Variants in TAX1BP1 observed in about 807,000 individuals in gnomAD.
The protein encoded by TAX1BP1 is tax1-binding protein 1.
In TAX1BP1, 62 loss-of-function variants were observed where a neutral mutation model predicts 97.7. That is an observed-to-expected ratio of 0.63 (90% confidence interval 0.52 to 0.78). The LOEUF (loss-of-function observed/expected upper bound fraction) is 0.78. Ranked by LOEUF, TAX1BP1 falls within the 30% of genes least tolerant of loss-of-function variation. The pLI, the probability that TAX1BP1 is intolerant of heterozygous loss-of-function variation, is 0.00. For synonymous variants in TAX1BP1, 340 were observed against 304.2 expected (o/e 1.12, Z -1.23); for missense variants, 867 against 916.1 (o/e 0.95, Z 0.69).
intron 5 of TAX1BP1, among the ~76,000 whole-genome samples, chr7:27,773,542 A>G (rs1788922893): frequency 6.6e-6 from 1 of 152,072 alleles, no homozygotes. Flanking sequence ...CATGAATGGA[A>G]TCATATAATA....
At chr7:27,774,247 GTGT>G (rs1044703179) in intron 5 of TAX1BP1, among the ~76,000 whole-genome samples, 2 of 152,012 alleles carry the variant, frequency 1.3e-5, no homozygotes, top group African/African-American at 2.4e-5. Flanking sequence ...AAGATATTTT[GTGT>G]TGTTGTAGAG....
chr7:27,743,609 A>C (rs1787700725), intron 1 of TAX1BP1, among the ~76,000 whole-genome samples: 1 of 152,132 alleles, frequency 6.6e-6, no homozygotes, highest in African/African-American at 2.4e-5. Flanking sequence ...TATTACAGAA[A>C]TTTTCAAACA....
At chr7:27,823,414 A>G (rs186026350) in intron 15 of TAX1BP1, among the ~76,000 whole-genome samples, 138 of 152,298 alleles carry the variant, frequency 9.1e-4, no homozygotes, top group African/African-American at 3.2e-3. Flanking sequence ...AAGTGGTGAA[A>G]CTTTTCTTCC....
chr7:27,786,241 C>T (rs1187522264), intron 7 of TAX1BP1, among the ~76,000 whole-genome samples: 1 of 151,498 alleles, frequency 6.6e-6, no homozygotes, highest in Admixed American at 6.6e-5. Context: ...ACGCCATTCT[C>T]CTGCCTCAGC....
chr7:27,741,118 A>G (rs1787579845), intron 1 of TAX1BP1, among the ~76,000 whole-genome samples: 2 of 152,260 alleles, frequency 1.3e-5, no homozygotes, highest in East Asian at 1.9e-4. Context: ...CCGGTTTCAC[A>G]CAGTGGTTAT....
intron 5 of TAX1BP1, among the ~76,000 whole-genome samples, chr7:27,784,849 G>A (rs186408025): frequency 6.6e-6 from 1 of 151,898 alleles, no homozygotes; most frequent in African/African-American, 2.4e-5. Flanking sequence ...CAGGCGTGGT[G>A]GTGGGTGCCT....
At chr7:27,762,003 C>T (rs538043051) in intron 3 of TAX1BP1, among the ~76,000 whole-genome samples, 160 of 152,220 alleles carry the variant, frequency 1.1e-3, no homozygotes, top group African/African-American at 3.7e-3. Flanking sequence ...GGTGTCATTG[C>T]TTTGGATTTT....
chr7:27,765,338 A>G (rs1419463496), intron 3 of TAX1BP1, among the ~76,000 whole-genome samples: 1 of 151,946 alleles, frequency 6.6e-6, no homozygotes, highest in Non-Finnish European at 1.5e-5. Flanking sequence ...TATTTTTACC[A>G]TACTGCACTA....
chr7:27,784,473 CAAG>C (rs1158019459), intron 5 of TAX1BP1, among the ~76,000 whole-genome samples: 2 of 152,068 alleles, frequency 1.3e-5, no homozygotes, highest in Non-Finnish European at 2.9e-5. Context: ...GTCACACTGG[CAAG>C]AAGATTAGGA....
chr7:27,791,163 G>A (rs1583710997), intron 8 of TAX1BP1, among the ~76,000 whole-genome samples: 1 of 151,862 alleles, frequency 6.6e-6, no homozygotes, highest in African/African-American at 2.4e-5. Flanking sequence ...TGATGCCTCC[G>A]AAGATTTTGT....
intron 3 of TAX1BP1, among the ~76,000 whole-genome samples, chr7:27,765,275 C>T (rs958951845): frequency 6.6e-6 from 1 of 151,812 alleles, no homozygotes; most frequent in Non-Finnish European, 1.5e-5. Context: ...CCACCTTGGC[C>T]TTCCAAAGTG....
chr7:27,801,837 AGACT>A (rs1306894065), intron 13 of TAX1BP1, among the ~76,000 whole-genome samples: 1 of 152,222 alleles, frequency 6.6e-6, no homozygotes, highest in Non-Finnish European at 1.5e-5. Flanking sequence ...GTTTTGACAC[AGACT>A]AACACTGACC....
intron 2 of TAX1BP1, among the ~76,000 whole-genome samples, chr7:27,756,428 C>T (rs980361860): frequency 2.0e-5 from 3 of 152,006 alleles, no homozygotes; most frequent in African/African-American, 7.2e-5. Context: ...TGTATCTTGC[C>T]CCCAACTTCT....
intron 13 of TAX1BP1, among the ~76,000 whole-genome samples, chr7:27,808,518 A>G (rs111499892): frequency 3.3e-5 from 5 of 152,238 alleles, no homozygotes; most frequent in Admixed American, 2.6e-4. Flanking sequence ...AAATTTACAT[A>G]TTTAGTTGTC....
At chr7:27,786,285 C>T (rs1562720896) in intron 7 of TAX1BP1, among the ~76,000 whole-genome samples, 2 of 152,054 alleles carry the variant, frequency 1.3e-5, no homozygotes, top group African/African-American at 2.4e-5. Flanking sequence ...GTGCCCGCGA[C>T]CACGTCCGGC....
At position 27,743,767 on chromosome 7, in the gene TAX1BP1, A is replaced by ATTTTTTTTTTTTTT. The variant is rs58774608; in HGVS notation, c.-8+3534_-8+3547dup. On this transcript the variant is annotated intron_variant, in intron 1 of 16. Transcript: ENST00000396319. ...CACTTACAGTTAGTTTAGTATCTTTATTTTTTTTTTTTTTTTTTTTTTTTT... is the reference window on the plus strand; with the variant it reads ...CACTTACAGTTAGTTTAGTATCTTTATTTTTTTTTTTTTTTTTTTTTTTTTTTTTTTTTTTTTTT... 3.8e-4 allele frequency among the ~76,000 whole-genome samples: 4 copies of ATTTTTTTTTTTTTT among 10,492 alleles called. 1 individual carries two copies. The highest frequency in any genetic ancestry group is 2.9e-4 in the Non-Finnish European group (2 of 6,814). The allele number at this position is 10,492 out of a possible 152,430, so 6.9% of individuals were successfully genotyped here.
chr7:27,801,825 C>G (rs1378250257), intron 13 of TAX1BP1, among the ~76,000 whole-genome samples: 1 of 152,128 alleles, frequency 6.6e-6, no homozygotes, highest in African/African-American at 2.4e-5. Flanking sequence ...CTATTTTGTA[C>G]TGTTTTGACA....
chr7:27,762,293 G>A (rs73684048), intron 3 of TAX1BP1, among the ~76,000 whole-genome samples: 5 of 152,092 alleles, frequency 3.3e-5, no homozygotes, highest in Middle Eastern at 3.2e-3. Flanking sequence ...ATTTAGGTGT[G>A]TATTGGAACC....
Position 27,828,900 on chromosome 7 carries a change from ACT to A in TAX1BP1, c.*72_*73del, listed in dbSNP as rs1782589639. On this transcript the variant is annotated 3_prime_UTR_variant, in exon 17 of 17. Transcript: ENST00000396319. ...AAAAAAACCACACCTAAAATAGACCACTGAGGAGACCATAGAGCGGATGCTTT... is the reference window on the plus strand; with the variant it reads ...AAAAAAACCACACCTAAAATAGACCAGAGGAGACCATAGAGCGGATGCTTT... 6 of 1,260,256 alleles carry A rather than the reference ACT, an allele frequency of 4.8e-6. No homozygotes were observed. The highest frequency in any genetic ancestry group is 6.6e-6 in the Non-Finnish European group (6 of 908,736). The allele number at this position is 1,260,256 out of a possible 1,614,324, so 78.1% of individuals were successfully genotyped here.
Sources: allele counts gnomAD v4.1 joint callset (sites outside exome capture counted in the v4.1 genomes callset), GRCh38; gene constraint gnomAD v4.1.1; transcripts MANE v1.5; gene names NCBI Gene and HGNC (gene_info 2026-07-23, HGNC 2026-07-21).